Variants in WLS observed in about 807,000 individuals in gnomAD.
WLS encodes protein wntless homolog.
Under a neutral mutation model 62.8 loss-of-function variants are expected in WLS, and 23 were observed. That is an observed-to-expected ratio of 0.37 (90% CI 0.26 to 0.52). WLS has a LOEUF of 0.52. Among genes scored for constraint, WLS ranks in the 20% least tolerant of loss-of-function variants. WLS has a pLI of 0.92. For synonymous variants in WLS, 246 were observed against 244.1 expected (o/e 1.01, Z -0.07); for missense variants, 615 against 697.3 (o/e 0.88, Z 1.33).
rs1179774975 is a variant in WLS, at chr1:68,120,074, TG to T, written c.1510+17705del. ...AAACCACCCCTGTGATGCCAGCACA[TG>T]GCTCACAGCAGATCTGCATCAGGCG... On this transcript the variant is annotated intron_variant, in intron 11 of 11. Coordinates refer to the WLS transcript ENST00000354777. 3.3e-5 allele frequency among the ~76,000 whole-genome samples: 5 copies of T among 152,202 alleles called. No homozygotes were observed. The East Asian group carries it at 9.7e-4, about 29-fold the overall frequency.
chr1:68,208,797 A>T (rs1649388351), intron 1 of WLS, among the ~76,000 whole-genome samples: 2 of 152,194 alleles, frequency 1.3e-5, no homozygotes, highest in African/African-American at 4.8e-5. Context: ...GACATGGGGA[A>T]CATTGAAAGG....
chr1:68,225,744 A>T (rs1650115878), intron 1 of WLS, among the ~76,000 whole-genome samples: 1 of 152,106 alleles, frequency 6.6e-6, no homozygotes, highest in Admixed American at 6.5e-5. Context: ...CTCTTTTCTC[A>T]ATTCCTCCAC....
chr1:68,197,417 AT>A (rs1178852451), intron 1 of WLS, among the ~76,000 whole-genome samples: 1 of 152,170 alleles, frequency 6.6e-6, no homozygotes, highest in Admixed American at 6.5e-5. Context: ...GAGAATCACA[AT>A]TTTTTTCACT....
chr1:68,200,058 G>C (rs973461637), intron 1 of WLS, among the ~76,000 whole-genome samples: 1 of 152,162 alleles, frequency 6.6e-6, no homozygotes. Flanking sequence ...AGTTGAAAAG[G>C]TAATTCCTGT....
intron 2 of WLS, among the ~76,000 whole-genome samples, chr1:68,187,421 C>T (rs929460704): frequency 6.6e-6 from 1 of 151,826 alleles, no homozygotes; most frequent in African/African-American, 2.4e-5. Context: ...AGCTTGAGTA[C>T]AGTATTTTTG....
At chr1:68,183,910 A>C (rs1647747350) in intron 2 of WLS, among the ~76,000 whole-genome samples, 1 of 152,060 alleles carries the variant, frequency 6.6e-6, no homozygotes, top group African/African-American at 2.4e-5. Context: ...TATAGAAAGA[A>C]TTCTGCTTCA....
rs1571021472 is a variant in WLS at position 68,212,151 on chromosome 1, A to C, written c.107-17924T>G. On this transcript the variant is annotated intron_variant, in intron 1 of 11. Transcript: ENST00000262348. ...AATCTGTTCACAGCCCAAACAGACA[A>C]TCCAGCCAGTCTGTGGAGAGTTCCT... 2.0e-5 allele frequency among the ~76,000 whole-genome samples: 3 copies of C among 152,298 alleles called. No individual in the cohort carries two copies. In the South Asian group the frequency reaches 6.2e-4, roughly 32 times the overall value.
At chr1:68,098,601 A>C (rs2100278162) in exon 12 of WLS, 1 of 1,610,826 alleles carries the variant, frequency 6.2e-7, no homozygotes, top group African/African-American at 1.3e-5. Context: ...CTGCAAATGC[A>C]AAGCTGATAA....
At chr1:68,187,007 C>A (rs111312291) in intron 2 of WLS, among the ~76,000 whole-genome samples, 2 of 151,382 alleles carry the variant, frequency 1.3e-5, no homozygotes, top group Non-Finnish European at 2.9e-5. Flanking sequence ...GTCAGGAGAT[C>A]GAGACCATCC....
chr1:68,202,976 A>T (rs1649105442), intron 1 of WLS: 1 of 152,206 alleles, frequency 6.6e-6, no homozygotes, highest in Non-Finnish European at 1.5e-5. Flanking sequence ...CCAAAATTAA[A>T]TCTTCTAGAA....
intron 1 of WLS, among the ~76,000 whole-genome samples, chr1:68,204,242 T>C (rs1649176406): frequency 6.6e-6 from 1 of 152,174 alleles, no homozygotes; most frequent in Admixed American, 6.5e-5. Flanking sequence ...AATTTGCAAA[T>C]TTCCTAGAAT....
intron 3 of WLS, among the ~76,000 whole-genome samples, chr1:68,156,022 C>A (rs1325208786): frequency 6.6e-6 from 1 of 152,166 alleles, no homozygotes; most frequent in Non-Finnish European, 1.5e-5. Flanking sequence ...TTAAGAGATA[C>A]TGCCCAGAGC....
At position 68,159,173 on chromosome 1, in the gene WLS, C is replaced by T. The variant is rs768822401; in HGVS notation, c.454G>A (p.Ala152Thr). Residue 152 changes from alanine (A) to threonine (T), a missense_variant, in exon 3 of 12, where the codon GCC (alanine) becomes ACC (threonine). Coordinates refer to ENST00000262348, the MANE Select transcript of WLS (RefSeq NM_024911.7). ...DDAFAEWTEM[A>T]HERVPRKLKC... ...AGTTTCCGTGGTACTCTTTCATGGG[C>T]CATTTCAGTCCACTCAGCAAACGCG... 3.7e-6 allele frequency: 6 copies of T among 1,613,946 alleles called. No individual in the cohort carries two copies. The highest frequency in any genetic ancestry group is 5.1e-6 in the Non-Finnish European group (6 of 1,179,998).
chr1:68,116,967 G>A (rs1396079384), intron 11 of WLS, among the ~76,000 whole-genome samples: 1 of 152,100 alleles, frequency 6.6e-6, no homozygotes, highest in African/African-American at 2.4e-5. Flanking sequence ...TGTACGACTG[G>A]CCCCGACCCC....
chr1:68,150,415 A>G, intron 5 of WLS, 59 bp from the exon 6 acceptor site: 2 of 1,595,148 alleles, frequency 1.3e-6, no homozygotes, highest in South Asian at 2.3e-5. Context: ...AGATTTTCAA[A>G]CAATTCCCCG....
At chr1:68,109,437 GACTTCT>G (rs1475490474) in intron 11 of WLS, among the ~76,000 whole-genome samples, 6 of 152,300 alleles carry the variant, frequency 3.9e-5, no homozygotes, top group South Asian at 2.1e-4. Context: ...AGGTATGCCA[GACTTCT>G]ACTTCTAAGA....
At position 68,187,189 on chromosome 1, in the gene WLS, C is replaced by CAAAAAAAAAAAAAAAAAAAAAAAAAAAAA. The variant is rs34130992; in HGVS notation, c.379+6765_379+6766insTTTTTTTTTTTTTTTTTTTTTTTTTTTTT. On this transcript the variant is annotated intron_variant, in intron 2 of 11. Coordinates refer to ENST00000262348, the MANE Select transcript of WLS (RefSeq NM_024911.7). The stretch of plus-strand genomic sequence containing the variant: ...GGGGGACAGAGCAAGACTCCATCTC[C>CAAAAAAAAAAAAAAAAAAAAAAAAAAAAA]AAAAAAAAAAAAAAAAAAAAAATTA... Among the ~76,000 whole-genome samples the CAAAAAAAAAAAAAAAAAAAAAAAAAAAAA allele has an allele frequency of 1.4e-3, 78 of 57,146 alleles. 5 individuals are homozygous for CAAAAAAAAAAAAAAAAAAAAAAAAAAAAA. The highest frequency in any genetic ancestry group is 4.7e-3 in the East Asian group (9 of 1,928). 37.5% of individuals were successfully genotyped at this position (57,146 alleles called of 152,430 possible). A position where few individuals can be genotyped will look rare whatever the true frequency, so the allele number is the denominator to read the frequency against.
At chr1:68,232,165 G>C (rs1650458428) in intron 1 of WLS, 29 bp downstream of exon 1, 1 of 1,613,500 alleles carries the variant, frequency 6.2e-7, no homozygotes, top group South Asian at 1.1e-5. Context: ...GACAGAAAGG[G>C]GGAAAAGTTT....
chr1:68,214,957 A>G (rs1011363436), intron 1 of WLS, among the ~76,000 whole-genome samples: 6 of 152,204 alleles, frequency 3.9e-5, no homozygotes, highest in Admixed American at 3.9e-4. Context: ...CAGTAAGAAA[A>G]AGAGAGGACA....
Sources: allele counts gnomAD v4.1 joint callset (sites outside exome capture counted in the v4.1 genomes callset), GRCh38; gene constraint gnomAD v4.1.1; transcripts MANE v1.5; gene names NCBI Gene and HGNC (gene_info 2026-07-23, HGNC 2026-07-21).